Variants in ASIC2 observed in about 807,000 individuals in gnomAD.
The protein encoded by ASIC2 is acid sensing ion channel subunit 2.
Under a neutral mutation model 57.3 loss-of-function variants are expected in ASIC2, and 25 were observed. The observed-to-expected ratio is 0.44, with a 90% CI of 0.32 to 0.61. The LOEUF (loss-of-function observed/expected upper bound fraction) is 0.61. Among genes scored for constraint, ASIC2 ranks in the 20% least tolerant of loss-of-function variants. The probability of loss-of-function intolerance (pLI) is 0.06; values close to 1 mark genes in which losing one functional copy is unlikely to be tolerated. For missense variants in ASIC2, 641 were observed against 738.1 expected, an observed-to-expected ratio of 0.87 and a Z score of 1.52; for synonymous variants, 319 against 307.5, an observed-to-expected ratio of 1.04 and a Z score of -0.39.
At chr17:33,053,633 T>A (rs1384675743) in intron 3 of ASIC2, among the ~76,000 whole-genome samples, 1 of 152,190 alleles carries the variant, frequency 6.6e-6, no homozygotes, top group African/African-American at 2.4e-5. Flanking sequence ...CACCTGATCT[T>A]ACTAAAATGC....
chr17:33,521,988 T>G (rs949496323), intron 1 of ASIC2, among the ~76,000 whole-genome samples: 1 of 152,198 alleles, frequency 6.6e-6, no homozygotes, highest in African/African-American at 2.4e-5. Context: ...GGGGGCCCTC[T>G]GCTGGGCAGC....
intron 1 of ASIC2, among the ~76,000 whole-genome samples, chr17:34,040,214 G>A (rs1478354869): frequency 7.0e-6 from 1 of 143,226 alleles, no homozygotes; most frequent in Non-Finnish European, 1.5e-5. Flanking sequence ...TCAGGAGGTG[G>A]GGGCCCGCTC....
intron 1 of ASIC2, among the ~76,000 whole-genome samples, chr17:33,556,329 C>A (rs562910065): frequency 6.6e-6 from 1 of 152,122 alleles, no homozygotes; most frequent in African/African-American, 2.4e-5. Context: ...AGCAGAGATG[C>A]CTTGGAGTTT....
chr17:33,812,278 A>C (rs1912444652), intron 1 of ASIC2, among the ~76,000 whole-genome samples: 1 of 152,164 alleles, frequency 6.6e-6, no homozygotes, highest in South Asian at 2.1e-4. Context: ...TCAGCTTTTA[A>C]ATTTCATCAC....
At chr17:33,218,869 C>A (rs575153490) in intron 1 of ASIC2, among the ~76,000 whole-genome samples, 2 of 152,074 alleles carry the variant, frequency 1.3e-5, no homozygotes, top group East Asian at 1.9e-4. Context: ...GATAACAGGG[C>A]GGGGGGGCTA....
chr17:33,489,099 G>A (rs890219677), intron 1 of ASIC2, among the ~76,000 whole-genome samples: 16 of 152,176 alleles, frequency 1.1e-4, no homozygotes, highest in African/African-American at 3.6e-4. Context: ...GAAGTCTAGA[G>A]TGAGAATCCT....
intron 1 of ASIC2, among the ~76,000 whole-genome samples, chr17:33,335,248 C>T (rs1034821689): frequency 2.6e-5 from 4 of 152,204 alleles, no homozygotes; most frequent in Admixed American, 6.5e-5. Flanking sequence ...AAGCTACAAA[C>T]AAACCCAAGG....
intron 1 of ASIC2, among the ~76,000 whole-genome samples, chr17:33,985,114 T>C (rs1309417160): frequency 1.3e-5 from 2 of 152,182 alleles, no homozygotes; most frequent in African/African-American, 2.4e-5. Context: ...GAATTTTAAT[T>C]GAAGCCTCAA....
chr17:33,977,443 A>T (rs1374776595), intron 1 of ASIC2, among the ~76,000 whole-genome samples: 1 of 152,194 alleles, frequency 6.6e-6, no homozygotes, highest in Non-Finnish European at 1.5e-5. Context: ...AGCTCAGAGG[A>T]AAAAATGATT....
intron 1 of ASIC2, among the ~76,000 whole-genome samples, chr17:34,088,040 C>T (rs1204691770): frequency 7.9e-5 from 12 of 152,226 alleles, no homozygotes; most frequent in African/African-American, 1.9e-4. Flanking sequence ...TCTCTCAACT[C>T]GTCAAAGTCA....
chr17:33,138,717 A>C (rs975028759), intron 1 of ASIC2, among the ~76,000 whole-genome samples: 13 of 151,572 alleles, frequency 8.6e-5, no homozygotes, highest in Non-Finnish European at 1.9e-4. Context: ...AGGTAGTAAT[A>C]ATATTTTTGA....
intron 1 of ASIC2, among the ~76,000 whole-genome samples, chr17:34,152,753 A>G (rs1284294694): frequency 6.6e-6 from 1 of 152,186 alleles, no homozygotes; most frequent in African/African-American, 2.4e-5. Flanking sequence ...AAGAAAGACA[A>G]TGTTGTAGCT....
chr17:33,375,072 TATTA>T (rs1312989388), intron 1 of ASIC2, among the ~76,000 whole-genome samples: 3 of 152,292 alleles, frequency 2.0e-5, no homozygotes, highest in South Asian at 4.1e-4. Flanking sequence ...GAGCCAGAAT[TATTA>T]ATTAATTATT....
At chr17:33,090,682 G>C (rs1299437171) in intron 2 of ASIC2, among the ~76,000 whole-genome samples, 1 of 152,140 alleles carries the variant, frequency 6.6e-6, no homozygotes, top group Non-Finnish European at 1.5e-5. Flanking sequence ...GCACAGAAGA[G>C]AGTCACTGGG....
chr17:34,014,345 T>C (rs1021431225), intron 1 of ASIC2, among the ~76,000 whole-genome samples: 3 of 152,206 alleles, frequency 2.0e-5, no homozygotes, highest in Non-Finnish European at 4.4e-5. Flanking sequence ...CCGGAGCCTG[T>C]GCTCTAACCA....
At chr17:33,437,784 T>C (rs1213785540) in intron 1 of ASIC2, among the ~76,000 whole-genome samples, 1 of 152,072 alleles carries the variant, frequency 6.6e-6, no homozygotes, top group African/African-American at 2.4e-5. Context: ...TGAGACCCCA[T>C]GCCAAAAAAA....
intron 1 of ASIC2, among the ~76,000 whole-genome samples, chr17:33,363,387 C>G (rs1309408849): frequency 6.6e-6 from 1 of 152,222 alleles, no homozygotes; most frequent in Non-Finnish European, 1.5e-5. Flanking sequence ...GAGGCAGTGA[C>G]TTTTCCGTTG....
chr17:33,579,114 G>C (rs925890448), intron 1 of ASIC2, among the ~76,000 whole-genome samples: 15 of 151,938 alleles, frequency 9.9e-5, no homozygotes, highest in African/African-American at 2.9e-4. Flanking sequence ...GTGAAACCCC[G>C]TCTCTACTAA....
At chr17:33,977,394 G>A (rs1905432964) in intron 1 of ASIC2, among the ~76,000 whole-genome samples, 1 of 152,178 alleles carries the variant, frequency 6.6e-6, no homozygotes. Flanking sequence ...TCTGTGCTGG[G>A]AGGTTGTGGC....
Sources: allele counts gnomAD v4.1 joint callset (sites outside exome capture counted in the v4.1 genomes callset), GRCh38; gene constraint gnomAD v4.1.1; transcripts MANE v1.5; gene names NCBI Gene and HGNC (gene_info 2026-07-23, HGNC 2026-07-21).